Variants in TLL1 observed in about 807,000 individuals in gnomAD.
The protein encoded by TLL1 is tolloid like 1.
In TLL1, 49 loss-of-function variants were observed where a neutral mutation model predicts 128.2. The ratio of observed to expected loss-of-function variants is 0.38; its 90% CI spans 0.30 to 0.48. The LOEUF is 0.48. Among genes scored for constraint, TLL1 ranks in the 20% least tolerant of loss-of-function variants. TLL1 has a pLI of 0.96. For synonymous variants in TLL1, 454 were observed against 418.8 expected (o/e 1.08, Z -1.03); for missense variants, 1,123 against 1,242.0 (o/e 0.90, Z 1.44).
chr4:165,928,322 C>T (rs1444542719), intron 1 of TLL1, among the ~76,000 whole-genome samples: 1 of 152,036 alleles, frequency 6.6e-6, no homozygotes, highest in African/African-American at 2.4e-5. Context: ...GGGGAGACGG[C>T]AGGCATGTAA....
At chr4:166,013,343 T>G (rs994620247) in intron 7 of TLL1, among the ~76,000 whole-genome samples, 12 of 151,872 alleles carry the variant, frequency 7.9e-5, no homozygotes, top group African/African-American at 2.9e-4. Flanking sequence ...TTGTTTTATT[T>G]ACTGCTACAA....
chr4:166,042,932 G>A (rs1012529760), intron 11 of TLL1, among the ~76,000 whole-genome samples: 1 of 152,112 alleles, frequency 6.6e-6, no homozygotes, highest in South Asian at 2.1e-4. Context: ...ACCTGTGGTC[G>A]AAAGACCAAA....
At chr4:165,940,747 G>A (rs1733970189) in intron 1 of TLL1, among the ~76,000 whole-genome samples, 1 of 151,962 alleles carries the variant, frequency 6.6e-6, no homozygotes, top group Admixed American at 6.6e-5. Flanking sequence ...GAGGATATGT[G>A]ACTTTTTCCT....
Position 166,060,006 on chromosome 4 carries a change from TTTTTC to T in TLL1, c.1847-9_1847-5del, listed in dbSNP as rs756059351. The T allele has an allele frequency of 4.0e-5, 64 of 1,612,954 alleles. No homozygotes were observed. In the Admixed American group the frequency reaches 8.7e-4, roughly 22 times the overall value. ...GGTGACTTCATGGGGAGAATATACCTTTTTCTTTTCTTTTCTTCTAGCTGCTTGTG... is the reference window on the plus strand; with the variant it reads ...GGTGACTTCATGGGGAGAATATACCTTTTTCTTTTCTTCTAGCTGCTTGTG... On this transcript the variant is annotated splice_polypyrimidine_tract_variant and intron_variant, in intron 14 of 20. Transcript: ENST00000061240.
At chr4:165,940,962 A>G (rs1733980598) in intron 1 of TLL1, among the ~76,000 whole-genome samples, 1 of 151,858 alleles carries the variant, frequency 6.6e-6, no homozygotes, top group African/African-American at 2.4e-5. Flanking sequence ...TGTCTCTTAG[A>G]TTGCTTATTT....
chr4:166,022,127 A>G (rs1738268504), intron 8 of TLL1, among the ~76,000 whole-genome samples: 1 of 152,054 alleles, frequency 6.6e-6, no homozygotes, highest in Non-Finnish European at 1.5e-5. Flanking sequence ...AAGTTGATTC[A>G]ACATCTTTTT....
intron 16 of TLL1, 38 bp downstream of exon 16, chr4:166,065,901 T>C (rs756363396): frequency 6.3e-7 from 1 of 1,598,944 alleles, no homozygotes; most frequent in East Asian, 2.2e-5. Flanking sequence ...ATATTACAGA[T>C]TTTCAATGTG....
chr4:166,091,590 G>A (rs1012964756), intron 19 of TLL1, among the ~76,000 whole-genome samples: 1 of 152,080 alleles, frequency 6.6e-6, no homozygotes, highest in African/African-American at 2.4e-5. Context: ...AAGTAGAACA[G>A]TGCAGTTTGT....
At chr4:165,923,491 C>T (rs1733138769) in intron 1 of TLL1, among the ~76,000 whole-genome samples, 1 of 121,280 alleles carries the variant, frequency 8.2e-6, no homozygotes, top group African/African-American at 3.2e-5. Flanking sequence ...TGCAGTGGTA[C>T]GATCTCGGCT....
chr4:166,052,943 A>G (rs1739813696), intron 12 of TLL1, among the ~76,000 whole-genome samples: 1 of 138,252 alleles, frequency 7.2e-6, no homozygotes, highest in East Asian at 2.1e-4. Context: ...ATTAAATTAA[A>G]GACTGAGATA....
intron 6 of TLL1, 36 bp downstream of exon 6, chr4:166,003,605 C>G: frequency 1.2e-6 from 2 of 1,601,636 alleles, no homozygotes; most frequent in Non-Finnish European, 1.7e-6. Context: ...TTAAGGCTGA[C>G]TGGGTATCTT....
In TLL1 at chr4:165,961,337, A is replaced by G. The variant is rs190817847; in HGVS notation, c.170-28044A>G. ...AATCAGACATGTCACAAACGAATGG[A>G]AAAACCTTCTGTGCTCATGATTGGA... On this transcript the variant is annotated intron_variant, in intron 1 of 20. Transcript: ENST00000061240. Among the ~76,000 whole-genome samples the G allele has an allele frequency of 6.3e-3, 954 of 152,070 alleles. 11 individuals carry two copies. Among genetic ancestry groups the G allele is most frequent in the African/African-American group, 0.022 (924 of 41,354 alleles).
chr4:166,044,570 A>C, intron 12 of TLL1: 2 of 636,678 alleles, frequency 3.1e-6, no homozygotes, highest in Admixed American at 3.3e-5. Flanking sequence ...GCTCCAGACC[A>C]TTTTTTTTTT....
intron 1 of TLL1, among the ~76,000 whole-genome samples, chr4:165,909,109 C>T (rs1732406620): frequency 6.6e-6 from 1 of 152,108 alleles, no homozygotes. Context: ...ACCACTTGAA[C>T]CCAGAAGGCA....
chr4:166,037,563 T>A (rs1739058688), intron 9 of TLL1, among the ~76,000 whole-genome samples: 1 of 151,858 alleles, frequency 6.6e-6, no homozygotes, highest in South Asian at 2.1e-4. Flanking sequence ...AATCCCAGAG[T>A]TTGGGAGGCT....
At chr4:165,971,969 T>C (rs1735647172) in intron 1 of TLL1, among the ~76,000 whole-genome samples, 1 of 152,160 alleles carries the variant, frequency 6.6e-6, no homozygotes, top group Non-Finnish European at 1.5e-5. Context: ...AACATTCTCT[T>C]CCAGCTTTGT....
chr4:165,915,143 A>G (rs1366459028), intron 1 of TLL1, among the ~76,000 whole-genome samples: 4 of 152,218 alleles, frequency 2.6e-5, no homozygotes. Flanking sequence ...AACAAGAAGT[A>G]CAGAGGAGAG....
chr4:166,074,802 A>G (rs1740945970), intron 16 of TLL1, 76 bp from the exon 17 acceptor site: 1 of 1,583,442 alleles, frequency 6.3e-7, no homozygotes, highest in African/African-American at 1.3e-5. Context: ...AGTGTTAACC[A>G]CAACTAAATG....
At chr4:166,005,537 G>T (rs547782063) in intron 6 of TLL1, among the ~76,000 whole-genome samples, 1 of 151,884 alleles carries the variant, frequency 6.6e-6, no homozygotes, top group East Asian at 1.9e-4. Flanking sequence ...ATGGTGAAGT[G>T]ATCTGTAGGG....
Sources: allele counts gnomAD v4.1 joint callset (sites outside exome capture counted in the v4.1 genomes callset), GRCh38; gene constraint gnomAD v4.1.1; transcripts MANE v1.5; gene names NCBI Gene and HGNC (gene_info 2026-07-23, HGNC 2026-07-21).